Variants in CALD1 observed in about 807,000 individuals in gnomAD.
The protein encoded by CALD1 is caldesmon.
A neutral mutation model predicts 99.9 loss-of-function variants in CALD1; 33 were observed. The observed-to-expected ratio is 0.33, with a 90% CI of 0.25 to 0.44. CALD1 has a LOEUF of 0.44. Ranked by LOEUF, CALD1 falls within the 20% of genes least tolerant of loss-of-function variation. CALD1 has a pLI of 1.00. For missense variants in CALD1, 861 were observed against 962.1 expected (o/e 0.89, Z 1.39); for synonymous variants, 310 against 325.0 (o/e 0.95, Z 0.50).
chr7:134,910,112 G>A (rs1803692414), intron 3 of CALD1, among the ~76,000 whole-genome samples: 1 of 152,138 alleles, frequency 6.6e-6, no homozygotes, highest in Admixed American at 6.6e-5. Context: ...TAATGAAACT[G>A]AACTGTTCTT....
chr7:134,771,016 C>A (rs1312919873), intron 1 of CALD1, among the ~76,000 whole-genome samples: 1 of 152,176 alleles, frequency 6.6e-6, no homozygotes, highest in Non-Finnish European at 1.5e-5. Flanking sequence ...TACTATATGA[C>A]TTTTAACAAA....
At chr7:134,910,446 T>C (rs1225135199) in intron 3 of CALD1, among the ~76,000 whole-genome samples, 1 of 152,114 alleles carries the variant, frequency 6.6e-6, no homozygotes, top group Non-Finnish European at 1.5e-5. Flanking sequence ...CCCACAGACA[T>C]TGCAAAAGGC....
intron 2 of CALD1, among the ~76,000 whole-genome samples, chr7:134,862,930 C>A (rs1053033015): frequency 6.6e-6 from 1 of 152,182 alleles, no homozygotes; most frequent in African/African-American, 2.4e-5. Context: ...CCTCTGAAGG[C>A]ACTGGGGAAG....
At chr7:134,833,250 G>C (rs1039585323) in intron 1 of CALD1, among the ~76,000 whole-genome samples, 3 of 152,146 alleles carry the variant, frequency 2.0e-5, no homozygotes, top group African/African-American at 7.2e-5. Context: ...ATGAATGGAA[G>C]CATTGCTGTG....
At chr7:134,949,169 T>G (rs1807141821) in intron 8 of CALD1, among the ~76,000 whole-genome samples, 1 of 152,206 alleles carries the variant, frequency 6.6e-6, no homozygotes, top group African/African-American at 2.4e-5. Flanking sequence ...TTATTATGAT[T>G]ATTATTCAGA....
chr7:134,812,369 A>G lies in CALD1; in HGVS notation c.-129-31515A>G, dbSNP rs571549552. 1.1e-4 allele frequency among the ~76,000 whole-genome samples: 16 copies of G among 152,312 alleles called. No homozygotes were observed. In the South Asian group the frequency reaches 3.3e-3, roughly 32 times the overall value. ...CTACTTCTCCCAAAGTTGGAACTAC[A>G]CAGAATGACTGAATAAGCAGAATGC... On this transcript the variant is annotated intron_variant, in intron 1 of 14. Coordinates refer to ENST00000361675, the MANE Select transcript of CALD1 (RefSeq NM_033138.4).
chr7:134,819,282 G>A (rs1194425647), intron 1 of CALD1, among the ~76,000 whole-genome samples: 1 of 152,084 alleles, frequency 6.6e-6, no homozygotes, highest in Admixed American at 6.6e-5. Context: ...TCTCACCTTA[G>A]GATACCACTT....
chr7:134,929,251 T>C (rs1442700160), intron 4 of CALD1, among the ~76,000 whole-genome samples: 1 of 152,098 alleles, frequency 6.6e-6, no homozygotes, highest in East Asian at 1.9e-4. Context: ...AATTCTTTCT[T>C]TAAATTTCAA....
intron 1 of CALD1, among the ~76,000 whole-genome samples, chr7:134,782,702 C>T (rs1459432170): frequency 6.6e-6 from 1 of 152,194 alleles, no homozygotes; most frequent in Non-Finnish European, 1.5e-5. Flanking sequence ...CTCCCTCTTC[C>T]CTGCAGATTC....
chr7:134,961,366 G>GT (rs1232064785), intron 13 of CALD1: 1 of 152,140 alleles, frequency 6.6e-6, no homozygotes. Context: ...TCCCTGTTAA[G>GT]TTTGCTTTTA....
At chr7:134,957,425 G>C (rs1445894461) in intron 9 of CALD1, among the ~76,000 whole-genome samples, 2 of 81,836 alleles carry the variant, frequency 2.4e-5, no homozygotes, top group African/African-American at 8.2e-5. Flanking sequence ...GTTGCATTTT[G>C]TTTGTTTGTT....
intron 2 of CALD1, among the ~76,000 whole-genome samples, chr7:134,848,659 G>C (rs1030748681): frequency 1.3e-5 from 2 of 152,136 alleles, no homozygotes. Context: ...TCTTCTAGGA[G>C]TATTTTCTCC....
chr7:134,742,807 T>C (rs1796602787), upstream of CALD1, among the ~76,000 whole-genome samples: 1 of 152,182 alleles, frequency 6.6e-6, no homozygotes, highest in African/African-American at 2.4e-5. Flanking sequence ...CTACCCTTCT[T>C]TTTTATAAAT....
At chr7:134,907,645 TGTG>T (rs1803492732) in intron 3 of CALD1, among the ~76,000 whole-genome samples, 1 of 152,184 alleles carries the variant, frequency 6.6e-6, no homozygotes, top group African/African-American at 2.4e-5. Flanking sequence ...ATATTAGGAT[TGTG>T]TTTTTTTGGT....
At chr7:134,880,047 G>A (rs1801526367) in intron 3 of CALD1, among the ~76,000 whole-genome samples, 1 of 152,104 alleles carries the variant, frequency 6.6e-6, no homozygotes, top group African/African-American at 2.4e-5. Flanking sequence ...TCCATTGTGG[G>A]TGACATGGAC....
chr7:134,937,648 A>G (rs3735044), intron 6 of CALD1, among the ~76,000 whole-genome samples: 21,433 of 151,306 alleles, frequency 0.14, 1,969 homozygotes, highest in East Asian at 0.21. Context: ...AAAAAAAAAA[A>G]AAGAAGAAGA....
At chr7:134,958,353 A>T (rs946420396) in intron 11 of CALD1, 63 bp downstream of exon 11, 4 of 1,304,352 alleles carry the variant, frequency 3.1e-6, no homozygotes, top group Non-Finnish European at 4.4e-6. Context: ...TACATAGAAG[A>T]GCATAAAAAC....
At chr7:134,820,770 G>C (rs959410017) in intron 1 of CALD1, among the ~76,000 whole-genome samples, 1 of 152,134 alleles carries the variant, frequency 6.6e-6, no homozygotes, top group Non-Finnish European at 1.5e-5. Flanking sequence ...TTTATTCTAG[G>C]GGACATGGTG....
At chr7:134,733,946 T>C in the CALD1 span, among the ~76,000 whole-genome samples, 2 of 151,352 alleles carry the variant, frequency 1.3e-5, no homozygotes, top group Non-Finnish European at 2.9e-5. Context: ...ACTTATATAG[T>C]ATAAATTTGC....
Sources: allele counts gnomAD v4.1 joint callset (sites outside exome capture counted in the v4.1 genomes callset), GRCh38; gene constraint gnomAD v4.1.1; transcripts MANE v1.5; gene names NCBI Gene and HGNC (gene_info 2026-07-23, HGNC 2026-07-21).